DLGAP2: variants seen among roughly 807,000 people sequenced by gnomAD.
The protein encoded by DLGAP2 is disks large-associated protein 2.
A neutral mutation model predicts 100.3 loss-of-function variants in DLGAP2; 26 were observed. That is an observed-to-expected ratio of 0.26 (90% CI 0.19 to 0.36). The LOEUF (loss-of-function observed/expected upper bound fraction) is 0.36. Ranked by LOEUF, DLGAP2 falls within the 10% of genes least tolerant of loss-of-function variation. The pLI is 1.00. For missense variants in DLGAP2, 1,858 were observed against 1,453.2 expected (o/e 1.28, Z -4.53); for synonymous variants, 886 against 630.1 (o/e 1.41, Z -6.08).
intron 3 of DLGAP2, among the ~76,000 whole-genome samples, chr8:1,331,432 C>A (rs574032691): frequency 1.3e-5 from 2 of 152,258 alleles, no homozygotes; most frequent in Admixed American, 1.3e-4. Flanking sequence ...CCTTTGCAAA[C>A]CTGCCCTCCT....
intron 3 of DLGAP2, among the ~76,000 whole-genome samples, chr8:1,290,824 G>T (rs945039439): frequency 2.0e-5 from 3 of 152,214 alleles, no homozygotes; most frequent in African/African-American, 7.2e-5. Context: ...ACTGTGTAAG[G>T]TGGTGTTTTA....
chr8:1,581,118 A>G (rs1408476260), intron 6 of DLGAP2, among the ~76,000 whole-genome samples: 1 of 151,734 alleles, frequency 6.6e-6, no homozygotes, highest in Non-Finnish European at 1.5e-5. Flanking sequence ...GGATACAGAC[A>G]AAACACCACA....
chr8:785,221 C>CAAAAAAAAAAAAAA lies in DLGAP2; in HGVS notation c.18+47414_18+47427dup, dbSNP rs55781731. ...TGGGCGACAGAGCGAGACTCCGCCT[C>CAAAAAAAAAAAAAA]AAAAAAAAAAAAAAAAAAAAAAAAA... is the stretch of plus-strand genomic sequence containing the variant. On this transcript the variant is annotated intron_variant, in intron 1 of 14. Coordinates refer to ENST00000637795, the MANE Select transcript of DLGAP2 (RefSeq NM_001346810.2). Among the ~76,000 whole-genome samples, 3 of 60,820 alleles carry CAAAAAAAAAAAAAA rather than the reference C, an allele frequency of 4.9e-5. 1 individual carries two copies. The highest frequency in any genetic ancestry group is 8.3e-5 in the Non-Finnish European group (3 of 35,930). 39.9% of individuals were successfully genotyped at this position (60,820 alleles called of 152,430 possible).
At chr8:1,166,033 G>T (rs536695219) in intron 2 of DLGAP2, among the ~76,000 whole-genome samples, 1 of 152,130 alleles carries the variant, frequency 6.6e-6, no homozygotes, top group Non-Finnish European at 1.5e-5. Context: ...ATAATCTCCC[G>T]TCAGTAACCC....
chr8:1,124,611 G>A (rs796933721), intron 2 of DLGAP2, among the ~76,000 whole-genome samples: 3 of 152,278 alleles, frequency 2.0e-5, no homozygotes, highest in African/African-American at 7.2e-5. Flanking sequence ...CCTGCACTAA[G>A]CTGCTTAAGA....
chr8:773,015 C>T (rs1821407088), intron 1 of DLGAP2, among the ~76,000 whole-genome samples: 1 of 152,164 alleles, frequency 6.6e-6, no homozygotes, highest in South Asian at 2.1e-4. Context: ...GGCATGGACA[C>T]ACTTGTTTAT....
At chr8:1,565,127 C>G (rs1279490915) in intron 5 of DLGAP2, among the ~76,000 whole-genome samples, 1 of 152,270 alleles carries the variant, frequency 6.6e-6, no homozygotes, top group Non-Finnish European at 1.5e-5. Flanking sequence ...TGCACAGGTG[C>G]TTGGTGATAT....
chr8:1,543,045 A>G (rs919271025), intron 4 of DLGAP2, among the ~76,000 whole-genome samples: 2 of 152,236 alleles, frequency 1.3e-5, no homozygotes, highest in Admixed American at 6.5e-5. Context: ...GCCCATTATT[A>G]TTTGGATTAT....
At chr8:1,081,659 A>G (rs969822215) in intron 2 of DLGAP2, among the ~76,000 whole-genome samples, 5 of 152,138 alleles carry the variant, frequency 3.3e-5, no homozygotes, top group African/African-American at 7.2e-5. Context: ...TAGTTTTGAG[A>G]AAAAATATTC....
At position 1,668,377 on chromosome 8, in the gene DLGAP2, G is replaced by A. The variant is rs758121726; in HGVS notation, c.1859G>A (p.Arg620Gln). 4 of 1,584,204 alleles carry A rather than the reference G, an allele frequency of 2.5e-6. No individual in the cohort carries two copies. Among genetic ancestry groups the A allele is most frequent in the South Asian group, 2.3e-5 (2 of 86,850 alleles). ...AAAACGCCCCCACCGGTGCCCCCTC[G>A]GACCACCTCCAAGCCTCTGATCTCG... ...YKKTPPPVPP[R>Q]TTSKPLISVT... is the part of the protein sequence containing the mutation. The change falls in exon 9 of 15, where the codon CGG (arginine) becomes CAG (glutamine). Residue 620 changes from arginine (R) to glutamine (Q), a missense_variant. Transcript: ENST00000637795.
intron 3 of DLGAP2, among the ~76,000 whole-genome samples, chr8:1,329,572 T>C (rs922296761): frequency 6.6e-6 from 1 of 152,190 alleles, no homozygotes; most frequent in African/African-American, 2.4e-5. Context: ...TTCAATTCGG[T>C]AGATGCTTAC....
At chr8:1,487,957 C>T (rs978331160) in intron 3 of DLGAP2, among the ~76,000 whole-genome samples, 1 of 152,226 alleles carries the variant, frequency 6.6e-6, no homozygotes, top group African/African-American at 2.4e-5. Context: ...GGGACATTCA[C>T]TGTGAGGTGA....
chr8:1,532,457 G>T (rs1801016504), intron 4 of DLGAP2, among the ~76,000 whole-genome samples: 1 of 152,100 alleles, frequency 6.6e-6, no homozygotes, highest in Non-Finnish European at 1.5e-5. Flanking sequence ...ACATCCTTCT[G>T]CAGTGTCTTT....
At position 1,268,192 on chromosome 8, in the gene DLGAP2, A is replaced by G. The variant is rs147671944; in HGVS notation, c.106+9309A>G. On this transcript the variant is annotated intron_variant, in intron 3 of 14. Coordinates refer to ENST00000637795, the MANE Select transcript of DLGAP2 (RefSeq NM_001346810.2). ...CTGGCATTGAAACAATTTTACCTCC[A>G]TGATAGTCTCAGGAATACATAAATA... Among the ~76,000 whole-genome samples the G allele has an allele frequency of 7.1e-3, 1,086 of 152,274 alleles. 14 individuals carry two copies. Among genetic ancestry groups the G allele is most frequent in the African/African-American group, 0.025 (1,057 of 41,552 alleles).
intron 3 of DLGAP2, among the ~76,000 whole-genome samples, chr8:1,495,695 T>C (rs569619389): frequency 1.3e-5 from 2 of 151,780 alleles, no homozygotes; most frequent in Non-Finnish European, 2.9e-5. Context: ...AGGATGCAGA[T>C]TGCAGACGCT....
At chr8:1,344,813 C>T (rs74528843) in intron 3 of DLGAP2, among the ~76,000 whole-genome samples, 1 of 152,150 alleles carries the variant, frequency 6.6e-6, no homozygotes, top group East Asian at 1.9e-4. Flanking sequence ...GTGTGTCTGA[C>T]TCACAGCAGG....
intron 6 of DLGAP2, among the ~76,000 whole-genome samples, chr8:1,609,582 C>T (rs1014318868): frequency 7.7e-6 from 1 of 130,710 alleles, no homozygotes; most frequent in Non-Finnish European, 1.7e-5. Context: ...AATTAAAAGA[C>T]ACAGACTGGC....
intron 3 of DLGAP2, among the ~76,000 whole-genome samples, chr8:1,498,079 C>T (rs1016308509): frequency 5.9e-5 from 9 of 152,144 alleles, no homozygotes; most frequent in Non-Finnish European, 2.9e-5. Flanking sequence ...GAAGTGAGGC[C>T]TCCCAAGTCA....
chr8:1,050,778 A>T (rs1000025820), intron 2 of DLGAP2, among the ~76,000 whole-genome samples: 1 of 152,198 alleles, frequency 6.6e-6, no homozygotes, highest in African/African-American at 2.4e-5. Context: ...TGAAGGGCAG[A>T]TTCTCAGAAA....
Sources: allele counts gnomAD v4.1 joint callset (sites outside exome capture counted in the v4.1 genomes callset), GRCh38; gene constraint gnomAD v4.1.1; transcripts MANE v1.5; gene names NCBI Gene and HGNC (gene_info 2026-07-23, HGNC 2026-07-21).